Variants in BARD1 observed in about 807,000 individuals in gnomAD.
BARD1 encodes BRCA1 associated RING domain 1, also known as BRCA1-associated RING domain protein 1.
In BARD1, 73 loss-of-function variants were observed where a neutral mutation model predicts 77.0. The observed-to-expected ratio is 0.95, with a 90% CI of 0.79 to 1.15. The LOEUF is 1.15. Among genes scored for constraint, BARD1 ranks in the 50% most tolerant of loss-of-function variants. The pLI, the probability that BARD1 is intolerant of heterozygous loss-of-function variation, is 0.00. For synonymous variants in BARD1, 384 were observed against 338.0 expected, an observed-to-expected ratio of 1.14 and a Z score of -1.49; for missense variants, 993 against 938.8, an observed-to-expected ratio of 1.06 and a Z score of -0.75.
rs563781294 is a variant in BARD1, at chr2:214,760,927, A to G, written c.1568+6555T>C. Among the ~76,000 whole-genome samples the G allele has an allele frequency of 5.8e-3, 879 of 151,360 alleles. 8 individuals are homozygous for G. Among genetic ancestry groups the G allele is most frequent in the Non-Finnish European group, 8.1e-3 (552 of 67,782 alleles). Reference sequence around the variant, plus strand: ...GTAGCTGGGACTACAGGCGCCCACCACCACGCCCAGCTAATTTTTTGTATT... The same window carrying G: ...GTAGCTGGGACTACAGGCGCCCACCGCCACGCCCAGCTAATTTTTTGTATT... On this transcript the variant is annotated intron_variant, in intron 6 of 10. Coordinates refer to ENST00000260947, the MANE Select transcript of BARD1 (RefSeq NM_000465.4).
At chr2:214,802,356 T>C (rs1240614457) in intron 1 of BARD1, among the ~76,000 whole-genome samples, 1 of 152,212 alleles carries the variant, frequency 6.6e-6, no homozygotes, top group Non-Finnish European at 1.5e-5. Flanking sequence ...GTTAGTGTTC[T>C]GGGCATGTTT....
intron 3 of BARD1, among the ~76,000 whole-genome samples, chr2:214,788,925 G>A (rs1695396793): frequency 1.3e-5 from 2 of 151,948 alleles, no homozygotes; most frequent in South Asian, 4.1e-4. Context: ...AAGAAACAAA[G>A]GGAAATGTTC....
At chr2:214,797,138 A>T in intron 1 of BARD1, 21 bp from the exon 2 acceptor site, 27 of 1,603,228 alleles carry the variant, frequency 1.7e-5, no homozygotes, top group Non-Finnish European at 2.3e-5. Context: ...AAATTAAAAC[A>T]ATCAAGATTT....
intron 9 of BARD1, among the ~76,000 whole-genome samples, chr2:214,735,366 C>CCTTGTTTGACCTCAGCTGGGGACACA (rs1454612530): frequency 6.6e-6 from 1 of 152,090 alleles, no homozygotes; most frequent in East Asian, 1.9e-4. Flanking sequence ...TAAAGTATCA[C>CCTTGTTTGACCTCAGCTGGGGACACA]CTTGTTTGAC....
intron 2 of BARD1, among the ~76,000 whole-genome samples, chr2:214,795,884 G>A (rs184901219): frequency 1.3e-5 from 2 of 152,132 alleles, no homozygotes; most frequent in African/African-American, 4.8e-5. Flanking sequence ...GACGTATCTG[G>A]TAGGCAACAG....
At chr2:214,738,798 C>T (rs1692681780) in intron 9 of BARD1, among the ~76,000 whole-genome samples, 1 of 152,096 alleles carries the variant, frequency 6.6e-6, no homozygotes, top group South Asian at 2.1e-4. Context: ...GAAAGCCATA[C>T]TTAGAATTTT....
chr2:214,797,299 T>C lies in BARD1; in HGVS notation c.159-182A>G, dbSNP rs183366553. Reference sequence around the variant, plus strand: ...GTTAAATATTGTACCATAACATACCTGATGATTTTAAATAGTAACCACCAA... The same window carrying C: ...GTTAAATATTGTACCATAACATACCCGATGATTTTAAATAGTAACCACCAA... On this transcript the variant is annotated intron_variant, in intron 1 of 10. Transcript: ENST00000260947. 1.7e-3 allele frequency among the ~76,000 whole-genome samples: 262 copies of C among 152,324 alleles called. 1 individual carries two copies. The highest frequency in any genetic ancestry group is 6.8e-3 in the Middle Eastern group (2 of 294).
intron 9 of BARD1, among the ~76,000 whole-genome samples, 184 bp from the exon 10 acceptor site, chr2:214,730,692 T>A (rs760750600): frequency 6.6e-6 from 1 of 152,178 alleles, no homozygotes; most frequent in African/African-American, 2.4e-5. Flanking sequence ...GGTTTTCCCA[T>A]ATAAAGAAAA....
intron 4 of BARD1, among the ~76,000 whole-genome samples, chr2:214,780,078 T>C (rs1574814775): frequency 6.6e-6 from 1 of 152,196 alleles, no homozygotes; most frequent in Non-Finnish European, 1.5e-5. Flanking sequence ...TGTGGTGAAC[T>C]GGAGGAGCCA....
rs773223671 is a variant in BARD1, at chr2:214,730,507, C to G, written c.1905G>C (p.Trp635Cys). 6.2e-7 allele frequency: 1 copy of G among 1,613,040 alleles called. No homozygotes were observed. The highest frequency in any genetic ancestry group is 1.7e-5 in the Admixed American group (1 of 59,978). Residue 635 changes from tryptophan (W) to cysteine (C), a missense_variant and splice_region_variant, in exon 10 of 11, where the codon TGG (tryptophan) becomes TGC (cysteine). Trp to Cys is a radical substitution (Grantham distance 215). Coordinates refer to ENST00000260947, the MANE Select transcript of BARD1 (RefSeq NM_000465.4). ...CTTTTCTTCGTAGACATGCTTTTAC[C>G]CCTGACAAAAACACAAGAATTAAAG... ...LNGCWILKFEWVKACLRRKVC... is the reference protein window; with the variant it reads ...LNGCWILKFECVKACLRRKVC...
At chr2:214,807,103 G>T (rs1019955514) in intron 1 of BARD1, among the ~76,000 whole-genome samples, 3 of 151,922 alleles carry the variant, frequency 2.0e-5, no homozygotes, top group Non-Finnish European at 4.4e-5. Flanking sequence ...TTTGCGGGCA[G>T]AAAGGCCTAA....
At chr2:214,752,099 A>G (rs1164839177) in intron 7 of BARD1, among the ~76,000 whole-genome samples, 1 of 152,130 alleles carries the variant, frequency 6.6e-6, no homozygotes, top group East Asian at 1.9e-4. Context: ...CGAAACACTC[A>G]TGTCTAAGTG....
At chr2:214,729,043 T>C (rs376886445) in intron 10 of BARD1, 35 bp from the exon 11 acceptor site, 14 of 1,593,698 alleles carry the variant, frequency 8.8e-6, no homozygotes, top group Admixed American at 6.7e-5. Flanking sequence ...TAAAGGCAGA[T>C]CAAAATACTG....
chr2:214,808,006 G>A (rs1449074794), intron 1 of BARD1, among the ~76,000 whole-genome samples: 1 of 152,224 alleles, frequency 6.6e-6, no homozygotes, highest in Non-Finnish European at 1.5e-5. Context: ...TCACTTATCT[G>A]AGTGTCACTT....
In BARD1 at chr2:214,752,489, T is replaced by C. The variant is rs786203364; in HGVS notation, c.1635A>G (p.Leu545=). The C allele has an allele frequency of 6.2e-7, 1 of 1,613,790 alleles. No individual in the cohort carries two copies. ...CTGAGGATGATTCATTCTTCTCTGGTAGCAGCAATAGCGATTTCATACTTT... is the reference window on the plus strand; with the variant it reads ...CTGAGGATGATTCATTCTTCTCTGGCAGCAGCAATAGCGATTTCATACTTT... ...DDESMKSLLL[L]PEKNESSSAS... is the part of the protein sequence containing the mutation. The change falls in exon 7 of 11, where the codon CTA becomes CTG. Residue 545 remains leucine (L), a synonymous_variant. Transcript: ENST00000260947.
chr2:214,746,830 G>A (rs557226254), intron 7 of BARD1, among the ~76,000 whole-genome samples: 65 of 152,074 alleles, frequency 4.3e-4, no homozygotes, highest in African/African-American at 1.5e-3. Context: ...AAAAGCAATG[G>A]CAACAAAAGC....
chr2:214,759,633 TAAATC>T (rs1453823029), intron 6 of BARD1, among the ~76,000 whole-genome samples: 3 of 152,156 alleles, frequency 2.0e-5, no homozygotes, highest in African/African-American at 4.8e-5. Context: ...ATATTAGAGT[TAAATC>T]AAAACAAAAG....
chr2:214,755,490 T>A (rs926368364), intron 6 of BARD1, among the ~76,000 whole-genome samples: 1 of 152,190 alleles, frequency 6.6e-6, no homozygotes, highest in Non-Finnish European at 1.5e-5. Context: ...ATAATCCTAC[T>A]GAGGATAAAC....
Position 214,769,281 on chromosome 2 carries a change from T to C in BARD1, c.1346A>G (p.Gln449Arg), listed in dbSNP as rs916069875. 2 of 1,613,692 alleles carry C rather than the reference T, an allele frequency of 1.2e-6. No individual in the cohort carries two copies. Among genetic ancestry groups the C allele is most frequent in the African/African-American group, 1.3e-5 (1 of 74,926 alleles). The change falls in exon 5 of 11, where the codon CAA (glutamine) becomes CGA (arginine). Residue 449 changes from glutamine (Q) to arginine (R), a missense_variant. Transcript: ENST00000260947. ...GDIPSVEYLL[Q>R]NGSDPNVKDH... ...TTTAACATTTGGATCACTTCCATTT[T>C]GTAAAAGGTATTCAACAGAAGGTAT...
Sources: gnomAD v4.1 joint callset for allele counts (sites outside exome capture counted in the v4.1 genomes callset) on GRCh38, gnomAD v4.1.1 for gene constraint, MANE v1.5 for transcripts, NCBI Gene and HGNC (gene_info 2026-07-23, HGNC 2026-07-21) for gene names.